EXOSC7: variants seen among roughly 807,000 people sequenced by gnomAD.
EXOSC7 encodes the protein exosome component 7.
EXOSC7 carries 25 observed loss-of-function variants against 34.3 expected under a neutral mutation model. That is an observed-to-expected ratio of 0.73 (90% confidence interval 0.53 to 1.02). The LOEUF is 1.02. Ranked by LOEUF, EXOSC7 falls within the 50% of genes least tolerant of loss-of-function variation. The pLI is 0.00. For synonymous variants in EXOSC7, 130 were observed against 143.0 expected (o/e 0.91, Z 0.65); for missense variants, 370 against 368.5 (o/e 1.00, Z -0.03).
intron 3 of EXOSC7, among the ~76,000 whole-genome samples, chr3:44,994,630 A>G (rs967007076): frequency 6.6e-6 from 1 of 152,094 alleles, no homozygotes; most frequent in East Asian, 1.9e-4. Flanking sequence ...TCTCTATTCC[A>G]GCCTTTGTCT....
chr3:45,010,559 T>G (rs938758981), intron 7 of EXOSC7, among the ~76,000 whole-genome samples: 1 of 152,178 alleles, frequency 6.6e-6, no homozygotes, highest in Non-Finnish European at 1.5e-5. Flanking sequence ...ATATTGAGTT[T>G]TTTTGTTTTG....
At chr3:44,997,318 C>A in intron 4 of EXOSC7, 66 bp downstream of exon 4, 2 of 1,471,846 alleles carry the variant, frequency 1.4e-6, no homozygotes, top group South Asian at 1.3e-5. Context: ...GGCCTATTTT[C>A]CTTCCAGTGC....
chr3:45,005,159 A>C, intron 5 of EXOSC7, 132 bp from the exon 6 acceptor site: 1 of 1,004,180 alleles, frequency 1.0e-6, no homozygotes, highest in Non-Finnish European at 1.5e-6. Flanking sequence ...GACAGGGATG[A>C]GGATGATAAA....
intron 1 of EXOSC7, 55 bp from the exon 2 acceptor site, chr3:44,989,085 T>G: frequency 8.1e-7 from 1 of 1,232,562 alleles, no homozygotes; most frequent in Non-Finnish European, 1.2e-6. Context: ...GTGAGTCCGT[T>G]TAGGAGTTAT....
intron 1 of EXOSC7, among the ~76,000 whole-genome samples, chr3:44,985,587 G>A (rs1312329396): frequency 2.6e-5 from 4 of 151,226 alleles, no homozygotes; most frequent in Non-Finnish European, 4.4e-5. Flanking sequence ...TCGTGGTCTC[G>A]CTGGCTTCAG....
At chr3:44,992,055 A>G (rs1706589161) in intron 3 of EXOSC7, among the ~76,000 whole-genome samples, 1 of 152,174 alleles carries the variant, frequency 6.6e-6, no homozygotes, top group Non-Finnish European at 1.5e-5. Flanking sequence ...AAGGAGCATA[A>G]TTATTTTAAT....
rs1240989615 is a variant in EXOSC7, at chr3:44,991,793, C to G, written c.254+2149C>G. ...GGCTGCCTGCTGGTCTCTTTTCCTC[C>G]TCTGTGGGTCTCAAAAGGATCCCCA... is the stretch of plus-strand genomic sequence containing the variant. On this transcript the variant is annotated intron_variant, in intron 3 of 7. Coordinates refer to ENST00000265564, the MANE Select transcript of EXOSC7 (RefSeq NM_015004.4). Among the ~76,000 whole-genome samples, 4 of 152,180 alleles carry G rather than the reference C, an allele frequency of 2.6e-5. No individual in the cohort carries two copies. In the South Asian group the frequency reaches 8.3e-4, roughly 31 times the overall value.
intron 5 of EXOSC7, 31 bp downstream of exon 5, chr3:45,001,639 C>G: frequency 6.7e-7 from 1 of 1,496,564 alleles, no homozygotes; most frequent in Non-Finnish European, 9.3e-7. Context: ...CTCTGCGAAC[C>G]TGTGGAGAAC....
chr3:44,976,312 T>A lies in EXOSC7; in HGVS notation c.35T>A (p.Val12Glu). Reference sequence around the variant, plus strand: ...GTGACGCTGAGCGAGGCGGAGAAGGTGTACATCGTGCATGGCGTCCAGGTA... The same window carrying A: ...GTGACGCTGAGCGAGGCGGAGAAGGAGTACATCGTGCATGGCGTCCAGGTA... ...ASVTLSEAEK[V>E]YIVHGVQEDL... Residue 12 changes from valine (V) to glutamate (E), a missense_variant, in exon 1 of 8, where the codon GTG becomes GAG. Around this residue, in one of 3 missense-constraint regions of EXOSC7, gnomAD observed 95 missense variants for 79.8 expected, o/e 1.19. Coordinates refer to ENST00000265564, the MANE Select transcript of EXOSC7 (RefSeq NM_015004.4). 6.4e-7 allele frequency: 1 copy of A among 1,568,090 alleles called. No individual in the cohort carries two copies. Among genetic ancestry groups the A allele is most frequent in the Non-Finnish European group, 8.6e-7 (1 of 1,163,378 alleles).
intron 3 of EXOSC7, among the ~76,000 whole-genome samples, chr3:44,994,990 T>C (rs1706681902): frequency 6.6e-6 from 1 of 151,802 alleles, no homozygotes. Flanking sequence ...TTGTTGTTGT[T>C]GTTGTTATTT....
chr3:44,978,116 T>G (rs1209446599), intron 1 of EXOSC7, among the ~76,000 whole-genome samples: 1 of 152,094 alleles, frequency 6.6e-6, no homozygotes, highest in Non-Finnish European at 1.5e-5. Context: ...ACAAAGGTAA[T>G]GTAAGATCTA....
At chr3:45,003,340 TGCGTGC>T (rs796071857) in intron 5 of EXOSC7, among the ~76,000 whole-genome samples, 1 of 146,440 alleles carries the variant, frequency 6.8e-6, no homozygotes, top group African/African-American at 2.6e-5. Flanking sequence ...CGTGCGTGCG[TGCGTGC>T]GTGCGTGTGT....
At chr3:45,003,187 G>T (rs2125971424) in intron 5 of EXOSC7, among the ~76,000 whole-genome samples, 1 of 152,272 alleles carries the variant, frequency 6.6e-6, no homozygotes, top group Middle Eastern at 3.4e-3. Context: ...GGGACTCTAA[G>T]GCATCAAGTC....
chr3:44,976,445 G>T (rs564349633), intron 1 of EXOSC7, 111 bp downstream of exon 1: 1 of 948,478 alleles, frequency 1.1e-6, no homozygotes, highest in South Asian at 1.7e-5. Context: ...GCGACTCTCC[G>T]TTTACCTTGT....
intron 5 of EXOSC7, 129 bp from the exon 6 acceptor site, chr3:45,005,162 A>G (rs1297915686): frequency 5.8e-6 from 6 of 1,040,226 alleles, no homozygotes; most frequent in Non-Finnish European, 8.6e-6. Flanking sequence ...AGGGATGAGG[A>G]TGATAAAGAA....
chr3:44,976,459 T>A, intron 1 of EXOSC7, 125 bp downstream of exon 1: 1 of 834,452 alleles, frequency 1.2e-6, no homozygotes, highest in Non-Finnish European at 1.8e-6. Context: ...ACCTTGTGAT[T>A]AAACGGTTCT....
intron 3 of EXOSC7, among the ~76,000 whole-genome samples, chr3:44,996,527 A>C (rs1706726688): frequency 6.6e-6 from 1 of 152,240 alleles, no homozygotes; most frequent in Admixed American, 6.5e-5. Context: ...GTACAGTGAT[A>C]TCTAAAGTTT....
intron 1 of EXOSC7, among the ~76,000 whole-genome samples, chr3:44,982,687 T>C (rs1310157444): frequency 1.3e-5 from 2 of 152,228 alleles, no homozygotes; most frequent in African/African-American, 4.8e-5. Context: ...CAGTATTCGG[T>C]TGCTCAGTCT....
At chr3:45,003,961 G>A (rs1190718129) in intron 5 of EXOSC7, among the ~76,000 whole-genome samples, 1 of 152,158 alleles carries the variant, frequency 6.6e-6, no homozygotes, top group Non-Finnish European at 1.5e-5. Context: ...TGTCCAGTCT[G>A]CTGTTTATCC....
Sources: allele counts gnomAD v4.1 joint callset (sites outside exome capture counted in the v4.1 genomes callset), GRCh38; gene constraint gnomAD v4.1.1; regional missense constraint gnomAD v4.1.1; transcripts MANE v1.5; gene names NCBI Gene and HGNC (gene_info 2026-07-23, HGNC 2026-07-21).